The following MSR1 variants were observed in gnomAD, a reference collection of about 807,000 sequenced individuals.
The protein encoded by MSR1 is macrophage scavenger receptor 1.
Under a neutral mutation model 47.2 loss-of-function variants are expected in MSR1, and 53 were observed. That is an observed-to-expected ratio of 1.12 (90% CI 0.90 to 1.41). The LOEUF is 1.41. Ranked by LOEUF, MSR1 falls within the 40% of genes most tolerant of loss-of-function variation. The pLI is 0.00. For synonymous variants in MSR1, 239 were observed against 185.6 expected (o/e 1.29, Z -2.34); for missense variants, 786 against 546.9 (o/e 1.44, Z -4.36).
At chr8:16,144,522 G>C (rs566054088) in intron 7 of MSR1, among the ~76,000 whole-genome samples, 8 of 152,242 alleles carry the variant, frequency 5.3e-5, no homozygotes, top group Non-Finnish European at 7.4e-5. Flanking sequence ...CTAGAGCTCA[G>C]AGGATGTAGT....
rs186319415 is a variant in MSR1 at position 16,145,421 on chromosome 8, A to G, written c.980-1810T>C. ...AAAGTTCTAACTCTTTTCATAAAAG[A>G]GAACATAATAAGCAAGCTTAATTTC... On this transcript the variant is annotated intron_variant, in intron 7 of 9. Coordinates refer to ENST00000262101, the MANE Select transcript of MSR1 (RefSeq NM_138715.3). Among the ~76,000 whole-genome samples the G allele has an allele frequency of 1.7e-3, 257 of 152,268 alleles. 4 individuals carry two copies. The South Asian group carries it at 0.02, about 12-fold the overall frequency.
At chr8:16,177,224 T>C (rs966854050) in intron 2 of MSR1, among the ~76,000 whole-genome samples, 6 of 152,118 alleles carry the variant, frequency 3.9e-5, no homozygotes, top group Admixed American at 3.9e-4. Context: ...TATTTGGAAA[T>C]AGGGTCTTTG....
chr8:16,132,483 TTTTTG>T (rs780913870), intron 8 of MSR1, among the ~76,000 whole-genome samples: 3 of 152,010 alleles, frequency 2.0e-5, no homozygotes, highest in Non-Finnish European at 2.9e-5. Flanking sequence ...TGTATTTCTT[TTTTTG>T]TTTTGTTTTG....
intron 8 of MSR1, among the ~76,000 whole-genome samples, chr8:16,124,740 C>T (rs1800090583): frequency 6.6e-6 from 1 of 152,054 alleles, no homozygotes; most frequent in Admixed American, 6.6e-5. Flanking sequence ...TGAAAGAAAC[C>T]CGTTATAGTC....
rs192607149 is a variant in MSR1, at chr8:16,118,329, C to A, written c.1222+2089G>T. On this transcript the variant is annotated intron_variant, in intron 9 of 9. Coordinates refer to ENST00000262101, the MANE Select transcript of MSR1 (RefSeq NM_138715.3). ...CTATTAGAACTGTGGGTGTCCCCTT[C>A]ATAGATGGTAACAGTCACTTGAAAT... Among the ~76,000 whole-genome samples, 3 of 152,138 alleles carry A rather than the reference C, an allele frequency of 2.0e-5. 1 individual carries two copies. The highest frequency in any genetic ancestry group is 2.0e-4 in the Admixed American group (3 of 15,272).
At position 16,175,211 on chromosome 8, in the gene MSR1, T is replaced by G; in HGVS notation, c.193A>C (p.Ile65Leu). 6.2e-7 allele frequency: 1 copy of G among 1,614,010 alleles called. No individual in the cohort carries two copies. ...CCTGCCACTATTCCAATGAGAGGGATGAGAACTGCAAACACGAGGAGGTAA... is the reference window on the plus strand; with the variant it reads ...CCTGCCACTATTCCAATGAGAGGGAGGAGAACTGCAAACACGAGGAGGTAA... The part of the protein sequence containing the change: ...ALYLLVFAVL[I>L]PLIGIVAAQL... Residue 65 changes from isoleucine (I) to leucine (L), a missense_variant, in exon 3 of 10, where the codon ATC becomes CTC. Physicochemically the swap from Ile to Leu is conservative, Grantham distance 5. Transcript: ENST00000262101.
chr8:16,182,218 T>C (rs1268080168), intron 1 of MSR1, among the ~76,000 whole-genome samples: 1 of 152,296 alleles, frequency 6.6e-6, no homozygotes, highest in South Asian at 2.1e-4. Flanking sequence ...AGTAAAAATA[T>C]GGTATAAAAG....
chr8:16,140,977 G>T, intron 8 of MSR1: 1 of 1,613,950 alleles, frequency 6.2e-7, no homozygotes. Context: ...GGTAGCAGAG[G>T]ATGTCCCGCC....
intron 1 of MSR1, among the ~76,000 whole-genome samples, chr8:16,188,457 CT>C (rs1244129096): frequency 2.0e-5 from 3 of 151,912 alleles, no homozygotes; most frequent in African/African-American, 7.3e-5. Context: ...TTAAAATCAC[CT>C]CATTATTTTA....
At chr8:16,142,346 CA>C (rs1490552582) in intron 8 of MSR1, among the ~76,000 whole-genome samples, 4 of 151,756 alleles carry the variant, frequency 2.6e-5, no homozygotes, top group African/African-American at 9.7e-5. Flanking sequence ...AACAAACAAA[CA>C]AACAAAAAAA....
chr8:16,160,047 G>C (rs1326146459), intron 5 of MSR1, among the ~76,000 whole-genome samples: 1 of 151,972 alleles, frequency 6.6e-6, no homozygotes, highest in Non-Finnish European at 1.5e-5. Flanking sequence ...TTCAAGACTA[G>C]TTAAGAGACA....
intron 8 of MSR1, among the ~76,000 whole-genome samples, chr8:16,139,123 C>T (rs394470): frequency 0.038 from 5,852 of 152,262 alleles, 332 homozygotes; most frequent in African/African-American, 0.13. Flanking sequence ...GCAATCTGGT[C>T]ACACTTGCAT....
At chr8:16,137,947 G>A (rs960372960) in intron 8 of MSR1, among the ~76,000 whole-genome samples, 5 of 151,324 alleles carry the variant, frequency 3.3e-5, no homozygotes, top group South Asian at 2.1e-4. Context: ...AGCTATGGTC[G>A]TGCCACTGTA....
intron 1 of MSR1, among the ~76,000 whole-genome samples, chr8:16,183,558 AATAT>A (rs1801900965): frequency 6.9e-6 from 1 of 145,370 alleles, no homozygotes; most frequent in African/African-American, 2.5e-5. Context: ...TACATTATAT[AATAT>A]ATAATTTATA....
chr8:16,125,796 T>C (rs1275729214), intron 8 of MSR1, among the ~76,000 whole-genome samples: 1 of 152,062 alleles, frequency 6.6e-6, no homozygotes, highest in Non-Finnish European at 1.5e-5. Flanking sequence ...AGATAAGGTG[T>C]CCCTGTGTCT....
chr8:16,181,236 G>T (rs1801822552), intron 1 of MSR1, among the ~76,000 whole-genome samples: 1 of 152,186 alleles, frequency 6.6e-6, no homozygotes, highest in African/African-American at 2.4e-5. Context: ...GGGTCAAATG[G>T]CATTTCTGGT....
chr8:16,161,424 T>C (rs910814535), intron 5 of MSR1, among the ~76,000 whole-genome samples: 1 of 151,986 alleles, frequency 6.6e-6, no homozygotes, highest in Non-Finnish European at 1.5e-5. Flanking sequence ...AGTGGAGGTA[T>C]CTAACTGTTA....
intron 5 of MSR1, 65 bp downstream of exon 5, chr8:16,164,000 C>T: frequency 1.6e-6 from 2 of 1,244,328 alleles, no homozygotes; most frequent in East Asian, 2.6e-5. Flanking sequence ...AATATCAAAT[C>T]TCTGCATGTA....
intron 9 of MSR1, among the ~76,000 whole-genome samples, chr8:16,112,712 G>C (rs903688903): frequency 1.3e-5 from 2 of 151,640 alleles, no homozygotes; most frequent in African/African-American, 4.8e-5. Context: ...TTCGTTGTTG[G>C]GGCTGTCACT....
Sources: allele counts gnomAD v4.1 joint callset (sites outside exome capture counted in the v4.1 genomes callset), GRCh38; gene constraint gnomAD v4.1.1; transcripts MANE v1.5; gene names NCBI Gene and HGNC (gene_info 2026-07-23, HGNC 2026-07-21).